The following PTPN12 variants were observed in gnomAD, a reference collection of about 807,000 sequenced individuals.
PTPN12 encodes protein tyrosine phosphatase non-receptor type 12.
In PTPN12, 29 loss-of-function variants were observed where a neutral mutation model predicts 97.6. That is an observed-to-expected ratio of 0.30 (90% CI 0.22 to 0.41). The LOEUF (loss-of-function observed/expected upper bound fraction) is 0.41, where lower values mean the gene tolerates loss of function less well. Ranked by LOEUF, PTPN12 falls within the 10% of genes least tolerant of loss-of-function variation. The probability of loss-of-function intolerance (pLI) is 1.00; values close to 1 mark genes in which losing one functional copy is unlikely to be tolerated. For synonymous variants in PTPN12, 327 were observed against 300.4 expected, an observed-to-expected ratio of 1.09 and a Z score of -0.91; for missense variants, 819 against 926.0, an observed-to-expected ratio of 0.88 and a Z score of 1.50.
At chr7:77,638,752 T>G in intron 17 of PTPN12, 21 bp downstream of exon 17, 1 of 1,589,688 alleles carries the variant, frequency 6.3e-7, no homozygotes, top group Non-Finnish European at 8.5e-7. Flanking sequence ...TAATAAATAA[T>G]TTTTAGTAAG....
chr7:77,556,720 C>T lies in PTPN12; in HGVS notation c.100-14358C>T, dbSNP rs546421569. Among the ~76,000 whole-genome samples the T allele has an allele frequency of 2.6e-5, 4 of 152,136 alleles. No homozygotes were observed. In the South Asian group the frequency reaches 8.3e-4, roughly 32 times the overall value. Reference sequence around the variant, plus strand: ...CTGAGTGTTCCTGTAGTCCCAGCTACTCGGGAGGCTGAGGCAGGAGAATCA... The same window carrying T: ...CTGAGTGTTCCTGTAGTCCCAGCTATTCGGGAGGCTGAGGCAGGAGAATCA... On this transcript the variant is annotated intron_variant, in intron 1 of 17. Coordinates refer to ENST00000248594, the MANE Select transcript of PTPN12 (RefSeq NM_002835.4).
intron 6 of PTPN12, among the ~76,000 whole-genome samples, chr7:77,596,838 A>G (rs888513947): frequency 2.6e-5 from 4 of 152,204 alleles, no homozygotes; most frequent in African/African-American, 9.6e-5. Context: ...CTACCAGAGC[A>G]GTCTCTTTGT....
chr7:77,594,815 G>A (rs1265096785), intron 6 of PTPN12, among the ~76,000 whole-genome samples: 1 of 152,164 alleles, frequency 6.6e-6, no homozygotes, highest in Non-Finnish European at 1.5e-5. Flanking sequence ...TGTAAATTTA[G>A]ATGTAATAAG....
chr7:77,576,141 A>T (rs1787334800), intron 2 of PTPN12, among the ~76,000 whole-genome samples: 1 of 152,186 alleles, frequency 6.6e-6, no homozygotes, highest in Admixed American at 6.5e-5. Flanking sequence ...GGCTTGAGCC[A>T]CTGTGCCCAG....
At chr7:77,541,576 A>C (rs1379155444) in intron 1 of PTPN12, among the ~76,000 whole-genome samples, 1 of 152,214 alleles carries the variant, frequency 6.6e-6, no homozygotes, top group Non-Finnish European at 1.5e-5. Flanking sequence ...CATTTAATAC[A>C]TGTTCATAAA....
intron 1 of PTPN12, among the ~76,000 whole-genome samples, chr7:77,548,968 C>G (rs1488956710): frequency 6.6e-6 from 1 of 152,192 alleles, no homozygotes; most frequent in Non-Finnish European, 1.5e-5. Context: ...TTTTGACTTT[C>G]ACTGTTTTGG....
chr7:77,574,574 G>T (rs2151323248), intron 2 of PTPN12, among the ~76,000 whole-genome samples: 1 of 152,216 alleles, frequency 6.6e-6, no homozygotes, highest in East Asian at 1.9e-4. Context: ...TATGGGAGTG[G>T]ACAGGCTGCT....
intron 8 of PTPN12, among the ~76,000 whole-genome samples, chr7:77,603,428 C>A (rs1788250299): frequency 6.6e-6 from 1 of 152,188 alleles, no homozygotes; most frequent in African/African-American, 2.4e-5. Flanking sequence ...CTGGAGATAA[C>A]CATTGTTAAA....
intron 1 of PTPN12, among the ~76,000 whole-genome samples, chr7:77,548,633 A>G (rs528781722): frequency 6.6e-6 from 1 of 152,300 alleles, no homozygotes; most frequent in East Asian, 1.9e-4. Flanking sequence ...TTAGGGAAAA[A>G]GTCAATAAAG....
intron 3 of PTPN12, among the ~76,000 whole-genome samples, chr7:77,583,159 T>C (rs1787577884): frequency 6.6e-6 from 1 of 152,210 alleles, no homozygotes; most frequent in Non-Finnish European, 1.5e-5. Context: ...AAGGTAGCTA[T>C]GGAAGAAACT....
chr7:77,576,824 C>T (rs891277048), intron 2 of PTPN12, among the ~76,000 whole-genome samples: 1 of 152,224 alleles, frequency 6.6e-6, no homozygotes, highest in Non-Finnish European at 1.5e-5. Context: ...GGCTTTCTCC[C>T]TAAGGTGTCA....
rs190932614 is a variant in PTPN12, at chr7:77,571,929, A to G, written c.208+743A>G. 3.3e-5 allele frequency among the ~76,000 whole-genome samples: 5 copies of G among 152,304 alleles called. No homozygotes were observed. The East Asian group carries it at 9.6e-4, about 29-fold the overall frequency. ...GAAAGTATACTTAAGGTGTGCCATC[A>G]CTTTATCCAGTAAAAGCTATACGTC... On this transcript the variant is annotated intron_variant, in intron 2 of 17. Coordinates refer to ENST00000248594, the MANE Select transcript of PTPN12 (RefSeq NM_002835.4).
chr7:77,553,807 A>G (rs1456300089), intron 1 of PTPN12, among the ~76,000 whole-genome samples: 2 of 150,696 alleles, frequency 1.3e-5, no homozygotes, highest in Admixed American at 6.6e-5. Flanking sequence ...ATTAATGTCT[A>G]CCATATTTGC....
chr7:77,580,865 G>A (rs1164811824), intron 2 of PTPN12, among the ~76,000 whole-genome samples: 1 of 152,040 alleles, frequency 6.6e-6, no homozygotes, highest in Admixed American at 6.6e-5. Flanking sequence ...TGTATCACTG[G>A]TTAGTATTCA....
chr7:77,586,528 G>C (rs1787698405), intron 5 of PTPN12, among the ~76,000 whole-genome samples: 1 of 152,142 alleles, frequency 6.6e-6, no homozygotes, highest in South Asian at 2.1e-4. Context: ...AGGCTGCGGT[G>C]AGCTATGATT....
chr7:77,613,704 A>G (rs1471219727), intron 11 of PTPN12, among the ~76,000 whole-genome samples: 1 of 151,874 alleles, frequency 6.6e-6, no homozygotes, highest in Non-Finnish European at 1.5e-5. Context: ...AAAATACAAA[A>G]AAGATTAGCC....
intron 6 of PTPN12, among the ~76,000 whole-genome samples, chr7:77,593,603 C>G (rs1331798522): frequency 6.6e-6 from 1 of 152,236 alleles, no homozygotes; most frequent in Non-Finnish European, 1.5e-5. Flanking sequence ...CTGGAGAATT[C>G]TGTCTTGCTT....
intron 15 of PTPN12, 31 bp downstream of exon 15, chr7:77,635,880 G>GCTTA (rs751583767): frequency 6.9e-7 from 1 of 1,457,730 alleles, no homozygotes; most frequent in Non-Finnish European, 9.4e-7. Flanking sequence ...AACAGTTATA[G>GCTTA]CTTAACATTT....
At chr7:77,593,813 A>G (rs1787941128) in intron 6 of PTPN12, among the ~76,000 whole-genome samples, 1 of 152,238 alleles carries the variant, frequency 6.6e-6, no homozygotes, top group Admixed American at 6.5e-5. Flanking sequence ...GTTGACAGAT[A>G]AAATTAAATA....
Sources: allele counts gnomAD v4.1 joint callset (sites outside exome capture counted in the v4.1 genomes callset), GRCh38; gene constraint gnomAD v4.1.1; transcripts MANE v1.5; gene names NCBI Gene and HGNC (gene_info 2026-07-23, HGNC 2026-07-21).